The following ATP11C variants were observed in gnomAD, a reference collection of about 807,000 sequenced individuals.
ATP11C encodes phospholipid-transporting ATPase IG.
ATP11C carries 36 observed loss-of-function variants against 97.4 expected under a neutral mutation model. The observed-to-expected ratio is 0.37, with a 90% confidence interval of 0.28 to 0.49. The LOEUF (loss-of-function observed/expected upper bound fraction) is 0.49, where lower values mean the gene tolerates loss of function less well. ATP11C is among the 20% of genes least tolerant of loss of function. The pLI is 0.98. For synonymous variants in ATP11C, 275 were observed against 290.9 expected (o/e 0.95, Z 0.56); for missense variants, 730 against 824.6 (o/e 0.89, Z 1.40).
At chrX:139,870,016 C>T (rs1484068590) in intron 1 of ATP11C, among the ~76,000 whole-genome samples, 4 of 109,796 alleles carry the variant, frequency 3.6e-5, no homozygotes, top group Non-Finnish European at 7.6e-5. Context: ...ATAAGCCAGT[C>T]ACAGAAAAAC....
At position 139,798,288 on chromosome X, in the gene ATP11C, C is replaced by A; in HGVS notation, c.842G>T (p.Arg281Leu). The change falls in exon 10 of 30, where the codon CGT (arginine) becomes CTT (leucine). Residue 281 changes from arginine to leucine, a missense_variant. Coordinates refer to ENST00000682941, the MANE Select transcript of ATP11C (RefSeq NM_001353812.2). Reference protein sequence around the residue: ...ALNYQGKSQKRSAVEKSINAF... With the variant: ...ALNYQGKSQKLSAVEKSINAF... ...GCATACTAACTTTTCAACAGCAGAA[C>A]GTTTCTGAGATTTCCCTTGGTAGTT... The A allele has an allele frequency of 8.3e-7, 1 of 1,205,868 alleles. No individual in the cohort carries two copies.
At chrX:139,744,896 C>A (rs1489166392) in intron 25 of ATP11C, among the ~76,000 whole-genome samples, 1 of 111,745 alleles carries the variant, frequency 8.9e-6, no homozygotes, top group African/African-American at 3.3e-5. Flanking sequence ...TTTTAAAGTA[C>A]CATTCAAATT....
chrX:139,810,586 A>G (rs1022477604), intron 5 of ATP11C, among the ~76,000 whole-genome samples: 1 of 112,782 alleles, frequency 8.9e-6, no homozygotes, highest in Non-Finnish European at 1.9e-5. Flanking sequence ...AAATGTAAAC[A>G]TAATATATCC....
At chrX:139,745,940 T>C (rs1472692814) in intron 24 of ATP11C, 83 bp from the exon 25 acceptor site, 10 of 1,051,479 alleles carry the variant, frequency 9.5e-6, no homozygotes, top group Non-Finnish European at 1.2e-5. Flanking sequence ...GGCGTGGAAT[T>C]TGACCCTGTT....
chrX:139,872,075 A>C (rs1419753086), intron 1 of ATP11C, among the ~76,000 whole-genome samples: 2 of 111,151 alleles, frequency 1.8e-5, no homozygotes, highest in Non-Finnish European at 3.8e-5. Context: ...GACACAATTC[A>C]GGTATTTTAA....
chrX:139,785,329 C>G, intron 15 of ATP11C, 30 bp from the exon 16 acceptor site: 2 of 1,012,096 alleles, frequency 2.0e-6, no homozygotes, highest in Non-Finnish European at 2.7e-6. Flanking sequence ...AGTAAAAAAC[C>G]TAGAATATAC....
chrX:139,848,737 CT>C (rs1337268405), intron 1 of ATP11C, among the ~76,000 whole-genome samples: 1 of 111,116 alleles, frequency 9.0e-6, no homozygotes, highest in Admixed American at 9.6e-5. Flanking sequence ...CACTTTCCCT[CT>C]GATCTCTGAA....
chrX:139,901,640 G>T (rs1163919025), intron 1 of ATP11C, among the ~76,000 whole-genome samples: 3 of 111,109 alleles, frequency 2.7e-5, no homozygotes, highest in Non-Finnish European at 5.6e-5. Flanking sequence ...AAAATGCTCA[G>T]AGTACCATAA....
chrX:139,859,600 T>C (rs2084148291), intron 1 of ATP11C, among the ~76,000 whole-genome samples: 1 of 112,026 alleles, frequency 8.9e-6, no homozygotes, highest in South Asian at 3.7e-4. Context: ...AACCTTAATG[T>C]GTTACCAGAA....
chrX:139,931,925 T>C, intron 1 of ATP11C, 91 bp downstream of exon 1: 1 of 1,013,538 alleles, frequency 9.9e-7, no homozygotes, highest in Non-Finnish European at 1.3e-6. Flanking sequence ...GAGACGTAAC[T>C]GCCCCCTCAG....
At chrX:139,850,259 G>T (rs1397116601) in intron 1 of ATP11C, among the ~76,000 whole-genome samples, 1 of 111,454 alleles carries the variant, frequency 9.0e-6, no homozygotes, top group East Asian at 2.8e-4. Context: ...GGGCTCGGAA[G>T]AAGAGACGTG....
chrX:139,907,314 A>G (rs1478850978), intron 1 of ATP11C, among the ~76,000 whole-genome samples: 1 of 111,610 alleles, frequency 9.0e-6, no homozygotes, highest in Non-Finnish European at 1.9e-5. Context: ...CGCAAAAGTA[A>G]TATGTGAAAG....
chrX:139,851,741 G>A (rs1409737235), intron 1 of ATP11C, among the ~76,000 whole-genome samples: 3 of 112,014 alleles, frequency 2.7e-5, no homozygotes, highest in East Asian at 5.6e-4. Flanking sequence ...CAGGATGCAG[G>A]ATATGTAGTC....
chrX:139,860,424 G>A (rs1279289550), intron 1 of ATP11C, among the ~76,000 whole-genome samples: 1 of 111,985 alleles, frequency 8.9e-6, no homozygotes, highest in East Asian at 2.8e-4. Context: ...AGAAAAGCAC[G>A]GATATCTAAT....
intron 5 of ATP11C, among the ~76,000 whole-genome samples, chrX:139,807,921 C>T (rs1569465277): frequency 9.6e-6 from 1 of 103,915 alleles, no homozygotes. Context: ...CACTGTACTC[C>T]AGCCTGGGCA....
At chrX:139,779,799 A>G (rs1158388427) in intron 18 of ATP11C, among the ~76,000 whole-genome samples, 2 of 111,890 alleles carry the variant, frequency 1.8e-5, no homozygotes, top group Non-Finnish European at 3.8e-5. Flanking sequence ...AAAATGAAAA[A>G]CAAACAGACC....
At chrX:139,751,417 G>C (rs754809444) in intron 23 of ATP11C, among the ~76,000 whole-genome samples, 5 of 112,383 alleles carry the variant, frequency 4.4e-5, no homozygotes, top group Non-Finnish European at 9.4e-5. Context: ...AAAGATTTAA[G>C]CTCAGCAAAG....
At chrX:139,852,461 GGGGGGGGGGGGGGGGGGGGGA>G (rs1447284824) in intron 1 of ATP11C, among the ~76,000 whole-genome samples, 9 of 9,421 alleles carry the variant, frequency 9.6e-4, no homozygotes, top group African/African-American at 2.6e-3. Context: ...GCGGGGGGGG[GGGGGGGGGGGGGGGGGGGGGA>G]ACTGGCCAGC....
At chrX:139,753,803 A>G (rs1425185944) in intron 23 of ATP11C, among the ~76,000 whole-genome samples, 2 of 110,884 alleles carry the variant, frequency 1.8e-5, no homozygotes, top group Admixed American at 1.9e-4. Context: ...AGCAAGAGAA[A>G]AAGAAAGAAA....
Sources: allele counts gnomAD v4.1 joint callset (sites outside exome capture counted in the v4.1 genomes callset), GRCh38; gene constraint gnomAD v4.1.1; transcripts MANE v1.5; gene names NCBI Gene and HGNC (gene_info 2026-07-23, HGNC 2026-07-21).